ASAP1: variants seen among roughly 807,000 people sequenced by gnomAD.
ASAP1 encodes ArfGAP with SH3 domain, ankyrin repeat and PH domain 1.
In ASAP1, 43 loss-of-function variants were observed where a neutral mutation model predicts 145.2. The ratio of observed to expected loss-of-function variants is 0.30; its 90% CI spans 0.23 to 0.38. ASAP1 has a LOEUF of 0.38. Ranked by LOEUF, ASAP1 falls within the 10% of genes least tolerant of loss-of-function variation. The pLI, the probability that ASAP1 is intolerant of heterozygous loss-of-function variation, is 1.00. For synonymous variants in ASAP1, 546 were observed against 515.5 expected, an observed-to-expected ratio of 1.06 and a Z score of -0.80; for missense variants, 1,018 against 1,355.3, an observed-to-expected ratio of 0.75 and a Z score of 3.91.
chr8:130,335,690 C>T (rs1183566928), intron 3 of ASAP1, among the ~76,000 whole-genome samples: 1 of 152,126 alleles, frequency 6.6e-6, no homozygotes, highest in African/African-American at 2.4e-5. Context: ...TACAGCAGCC[C>T]TGCTGAGGCT....
intron 3 of ASAP1, among the ~76,000 whole-genome samples, chr8:130,279,068 G>A (rs1210751125): frequency 1.3e-5 from 2 of 152,038 alleles, no homozygotes; most frequent in African/African-American, 2.4e-5. Context: ...TGTCTACCAC[G>A]GGACAGAACA....
intron 3 of ASAP1, among the ~76,000 whole-genome samples, chr8:130,261,172 T>A (rs955070254): frequency 4.6e-5 from 7 of 152,300 alleles, no homozygotes; most frequent in Middle Eastern, 3.4e-3. Context: ...ATTCCAAGGA[T>A]CCCACTACTC....
At chr8:130,255,979 A>G (rs970459495) in intron 3 of ASAP1, among the ~76,000 whole-genome samples, 1 of 152,138 alleles carries the variant, frequency 6.6e-6, no homozygotes, top group Non-Finnish European at 1.5e-5. Flanking sequence ...GGTTCTTAAC[A>G]TGCACCCTTT....
At chr8:130,264,936 A>G (rs879603634) in intron 3 of ASAP1, among the ~76,000 whole-genome samples, 2 of 152,208 alleles carry the variant, frequency 1.3e-5, no homozygotes, top group Non-Finnish European at 2.9e-5. Flanking sequence ...GAAAAGAAAA[A>G]CATCTTAAGA....
At chr8:130,401,831 C>T (rs1033879998) in intron 2 of ASAP1, 54 bp downstream of exon 2, 7 of 1,547,522 alleles carry the variant, frequency 4.5e-6, no homozygotes, top group Non-Finnish European at 6.2e-6. Flanking sequence ...AGAAGAATCC[C>T]GCTGTATCTC....
chr8:130,148,178 T>C (rs1586442326), intron 13 of ASAP1, among the ~76,000 whole-genome samples: 4 of 152,238 alleles, frequency 2.6e-5, no homozygotes, highest in Non-Finnish European at 2.9e-5. Context: ...AGAACTGTTA[T>C]TCATGAAACT....
chr8:130,374,490 C>T (rs1444844474), intron 2 of ASAP1, among the ~76,000 whole-genome samples: 1 of 152,184 alleles, frequency 6.6e-6, no homozygotes, highest in Non-Finnish European at 1.5e-5. Flanking sequence ...GGCGCGGTGG[C>T]GCACGCCTGT....
At chr8:130,393,305 A>G (rs902566557) in intron 2 of ASAP1, among the ~76,000 whole-genome samples, 1 of 152,240 alleles carries the variant, frequency 6.6e-6, no homozygotes, top group Non-Finnish European at 1.5e-5. Context: ...AACAGTGAGC[A>G]TGAGTCTTTA....
At chr8:130,420,299 G>A (rs907825420) in intron 1 of ASAP1, among the ~76,000 whole-genome samples, 1 of 149,764 alleles carries the variant, frequency 6.7e-6, no homozygotes, top group Non-Finnish European at 1.5e-5. Flanking sequence ...AACAAGTCTT[G>A]GCGAGGATGT....
chr8:130,221,347 T>C (rs1274582435), intron 4 of ASAP1, among the ~76,000 whole-genome samples: 1 of 152,058 alleles, frequency 6.6e-6, no homozygotes, highest in Non-Finnish European at 1.5e-5. Context: ...AAGGCATAAA[T>C]CTCCCTTTGT....
In ASAP1 at chr8:130,063,932, G is replaced by T. The variant is rs114586472; in HGVS notation, c.2702-2863C>A. ...ATGGAGTTACCAGAGGGTGAGGGCAGGTAAGCAGGGGAAGGGAGAAAAGAG... is the reference window on the plus strand; with the variant it reads ...ATGGAGTTACCAGAGGGTGAGGGCATGTAAGCAGGGGAAGGGAGAAAAGAG... On this transcript the variant is annotated intron_variant, in intron 27 of 29. Transcript: ENST00000518721. Among the ~76,000 whole-genome samples, 173 of 152,302 alleles carry T rather than the reference G, an allele frequency of 1.1e-3. 1 individual carries two copies. The highest frequency in any genetic ancestry group is 3.8e-3 in the African/African-American group (157 of 41,574).
intron 4 of ASAP1, among the ~76,000 whole-genome samples, chr8:130,228,440 C>T (rs920921200): frequency 6.6e-5 from 10 of 152,034 alleles, no homozygotes; most frequent in African/African-American, 1.4e-4. Context: ...CAGTGGCTTA[C>T]GCTGGTAATC....
At chr8:130,167,752 G>C in intron 10 of ASAP1, 130 bp from the exon 11 acceptor site, 1 of 637,212 alleles carries the variant, frequency 1.6e-6, no homozygotes, top group Non-Finnish European at 2.7e-6. Flanking sequence ...CCTTTATACT[G>C]TCTCATTTTT....
intron 2 of ASAP1, among the ~76,000 whole-genome samples, chr8:130,368,968 C>T (rs1827090627): frequency 6.6e-6 from 1 of 152,192 alleles, no homozygotes; most frequent in South Asian, 2.1e-4. Flanking sequence ...GGTTCCAGTA[C>T]CATCTTCACA....
At chr8:130,269,329 T>C (rs1357506210) in intron 3 of ASAP1, among the ~76,000 whole-genome samples, 1 of 152,214 alleles carries the variant, frequency 6.6e-6, no homozygotes, top group African/African-American at 2.4e-5. Flanking sequence ...ATTTCTGTGA[T>C]ACAGTTTCCA....
chr8:130,304,804 T>C (rs1224480272), intron 3 of ASAP1, among the ~76,000 whole-genome samples: 2 of 152,176 alleles, frequency 1.3e-5, no homozygotes, highest in African/African-American at 4.8e-5. Context: ...GTTTTAAGTG[T>C]AAATATGGTA....
intron 1 of ASAP1, among the ~76,000 whole-genome samples, chr8:130,428,110 T>C (rs1029773016): frequency 2.6e-5 from 4 of 152,112 alleles, no homozygotes; most frequent in African/African-American, 4.8e-5. Context: ...TGAGAGAACT[T>C]TGGGGATTCC....
intron 3 of ASAP1, among the ~76,000 whole-genome samples, chr8:130,311,009 A>T (rs1284006157): frequency 6.6e-6 from 1 of 152,218 alleles, no homozygotes; most frequent in Non-Finnish European, 1.5e-5. Context: ...ATTGTGAAGG[A>T]GGCTTTATTT....
intron 2 of ASAP1, among the ~76,000 whole-genome samples, chr8:130,362,441 T>C (rs1586911933): frequency 6.6e-6 from 1 of 152,262 alleles, no homozygotes; most frequent in East Asian, 1.9e-4. Flanking sequence ...TTATTCACCT[T>C]CTTTTCTAAA....
Sources: gnomAD v4.1 joint callset for allele counts (sites outside exome capture counted in the v4.1 genomes callset) on GRCh38, gnomAD v4.1.1 for gene constraint, MANE v1.5 for transcripts, NCBI Gene and HGNC (gene_info 2026-07-23, HGNC 2026-07-21) for gene names.